Variants in BRINP1 observed in about 807,000 individuals in gnomAD.
The protein encoded by BRINP1 is BMP/retinoic acid inducible neural specific 1.
A neutral mutation model predicts 72.9 loss-of-function variants in BRINP1; 17 were observed. That is an observed-to-expected ratio of 0.23 (90% CI 0.16 to 0.35). BRINP1 has a LOEUF of 0.35. BRINP1 is among the 10% of genes least tolerant of loss of function. The pLI, the probability that BRINP1 is intolerant of heterozygous loss-of-function variation, is 1.00. For missense variants in BRINP1, 850 were observed against 1,001.6 expected (o/e 0.85, Z 2.04); for synonymous variants, 418 against 378.5 (o/e 1.10, Z -1.21).
chr9:119,172,569 C>A (rs1400197901), intron 7 of BRINP1, among the ~76,000 whole-genome samples: 18 of 151,524 alleles, frequency 1.2e-4, no homozygotes, highest in African/African-American at 4.1e-4. Context: ...GGAACTGGTA[C>A]CATTCCTTCT....
At chr9:119,358,646 A>G (rs904551402) in intron 1 of BRINP1, among the ~76,000 whole-genome samples, 19 of 152,190 alleles carry the variant, frequency 1.2e-4, no homozygotes, top group Non-Finnish European at 2.6e-4. Flanking sequence ...GTGAGCTGGG[A>G]TCACACCACT....
intron 2 of BRINP1, among the ~76,000 whole-genome samples, chr9:119,303,301 C>A (rs1371247343): frequency 6.7e-6 from 1 of 148,446 alleles, no homozygotes; most frequent in Non-Finnish European, 1.5e-5. Context: ...GACACACACA[C>A]ACACACACAC....
At chr9:119,267,832 G>A (rs1830563499) in intron 2 of BRINP1, among the ~76,000 whole-genome samples, 1 of 152,112 alleles carries the variant, frequency 6.6e-6, no homozygotes, top group Non-Finnish European at 1.5e-5. Flanking sequence ...GAGGCCGAAG[G>A]ACTGAGACTC....
intron 2 of BRINP1, among the ~76,000 whole-genome samples, chr9:119,311,551 A>T (rs993494830): frequency 2.2e-4 from 34 of 152,182 alleles, no homozygotes; most frequent in African/African-American, 7.7e-4. Context: ...ATCAATCCTT[A>T]GGTTTTTGAA....
At chr9:119,176,639 A>G (rs1388348942) in intron 7 of BRINP1, among the ~76,000 whole-genome samples, 2 of 152,190 alleles carry the variant, frequency 1.3e-5, no homozygotes, top group African/African-American at 4.8e-5. Flanking sequence ...ATTCAGTGAG[A>G]TAATATATTT....
chr9:119,328,963 C>G (rs1831267442), intron 1 of BRINP1, among the ~76,000 whole-genome samples: 1 of 152,160 alleles, frequency 6.6e-6, no homozygotes, highest in Non-Finnish European at 1.5e-5. Context: ...AAACCCACCA[C>G]TAAAATGAGT....
chr9:119,352,946 G>T (rs1271819191), intron 1 of BRINP1, among the ~76,000 whole-genome samples: 1 of 152,080 alleles, frequency 6.6e-6, no homozygotes, highest in Non-Finnish European at 1.5e-5. Flanking sequence ...CCTAAGTCAG[G>T]GCCAAAGTGT....
chr9:119,263,936 C>T (rs926404833), intron 2 of BRINP1, among the ~76,000 whole-genome samples: 10 of 152,160 alleles, frequency 6.6e-5, no homozygotes, highest in Admixed American at 6.5e-4. Context: ...GAAGGCAATA[C>T]AAACGGGCTT....
At chr9:119,285,005 A>G (rs1830745253) in intron 2 of BRINP1, among the ~76,000 whole-genome samples, 1 of 152,162 alleles carries the variant, frequency 6.6e-6, no homozygotes, top group Non-Finnish European at 1.5e-5. Flanking sequence ...GCTGGTGAGG[A>G]AAAAGAGCAT....
At chr9:119,235,565 G>A (rs1209925916) in intron 5 of BRINP1, among the ~76,000 whole-genome samples, 1 of 151,962 alleles carries the variant, frequency 6.6e-6, no homozygotes, top group Non-Finnish European at 1.5e-5. Flanking sequence ...GCCTACTCTT[G>A]TTTGTTTGAA....
At chr9:119,255,075 C>T (rs1257232375) in intron 2 of BRINP1, among the ~76,000 whole-genome samples, 3 of 152,060 alleles carry the variant, frequency 2.0e-5, no homozygotes, top group African/African-American at 7.3e-5. Context: ...TGCAACATGC[C>T]ACCTTAAAAA....
intron 7 of BRINP1, among the ~76,000 whole-genome samples, chr9:119,189,169 A>G (rs990780953): frequency 6.6e-6 from 1 of 152,134 alleles, no homozygotes; most frequent in Non-Finnish European, 1.5e-5. Flanking sequence ...AAGAAAAAAA[A>G]TATTACAGAG....
At chr9:119,168,768 T>A (rs145923812) in intron 7 of BRINP1, among the ~76,000 whole-genome samples, 1 of 142,984 alleles carries the variant, frequency 7.0e-6, no homozygotes, top group African/African-American at 2.4e-5. Flanking sequence ...GTGATTTCTA[T>A]TGATGATCTT....
intron 2 of BRINP1, among the ~76,000 whole-genome samples, chr9:119,261,472 C>T (rs1022814933): frequency 1.3e-5 from 2 of 152,150 alleles, no homozygotes; most frequent in African/African-American, 4.8e-5. Flanking sequence ...CCAAAACACA[C>T]TGAGAAATGC....
chr9:119,278,483 C>T (rs1286029244), intron 2 of BRINP1, among the ~76,000 whole-genome samples: 3 of 152,196 alleles, frequency 2.0e-5, no homozygotes, highest in Non-Finnish European at 4.4e-5. Context: ...TGACTCTGCT[C>T]CAATGCGGGG....
intron 7 of BRINP1, among the ~76,000 whole-genome samples, chr9:119,190,964 C>T (rs546328787): frequency 4.1e-4 from 63 of 151,880 alleles, no homozygotes; most frequent in South Asian, 6.2e-4. Flanking sequence ...ATCCCAGGAA[C>T]GCAAGGCTGG....
chr9:119,253,137 G>C (rs73661138), intron 2 of BRINP1, among the ~76,000 whole-genome samples: 1,741 of 152,194 alleles, frequency 0.011, 24 homozygotes, highest in African/African-American at 0.039. Flanking sequence ...CCAAGGAATT[G>C]GTCCACTGGG....
chr9:119,306,997 T>A (rs1323189374), intron 2 of BRINP1, among the ~76,000 whole-genome samples: 1 of 152,138 alleles, frequency 6.6e-6, no homozygotes, highest in Non-Finnish European at 1.5e-5. Flanking sequence ...CCACTCTTTT[T>A]TTTTCTTCTT....
intron 4 of BRINP1, among the ~76,000 whole-genome samples, chr9:119,239,187 G>C (rs185005503): frequency 5.3e-5 from 8 of 152,240 alleles, no homozygotes; most frequent in Admixed American, 5.2e-4. Flanking sequence ...CTTCCAGAGA[G>C]GTTGTGAGAC....
Sources: gnomAD v4.1 joint callset for allele counts (sites outside exome capture counted in the v4.1 genomes callset) on GRCh38, gnomAD v4.1.1 for gene constraint, MANE v1.5 for transcripts, NCBI Gene and HGNC (gene_info 2026-07-23, HGNC 2026-07-21) for gene names.